ZFPM1: variants seen among roughly 807,000 people sequenced by gnomAD.
ZFPM1 encodes the protein zinc finger protein, FOG family member 1.
Under a neutral mutation model 46.3 loss-of-function variants are expected in ZFPM1, and 28 were observed. The observed-to-expected ratio is 0.60, with a 90% CI of 0.45 to 0.83. ZFPM1 has a LOEUF of 0.83. Ranked by LOEUF, ZFPM1 falls within the 40% of genes least tolerant of loss-of-function variation. The probability of loss-of-function intolerance (pLI) is 0.00; values close to 1 mark genes in which losing one functional copy is unlikely to be tolerated. For synonymous variants in ZFPM1, 957 were observed against 675.9 expected (o/e 1.42, Z -6.45); for missense variants, 1,878 against 1,432.4 (o/e 1.31, Z -5.02).
At chr16:88,486,923 G>A (rs998992140) in intron 2 of ZFPM1, among the ~76,000 whole-genome samples, 7 of 152,164 alleles carry the variant, frequency 4.6e-5, no homozygotes, top group Non-Finnish European at 8.8e-5. Context: ...GAGAAGTTTG[G>A]TGACTTGCCA....
chr16:88,453,259 C>A (rs1233815551), upstream of ZFPM1: 1 of 146,900 alleles, frequency 6.8e-6, no homozygotes, highest in Non-Finnish European at 1.5e-5. Flanking sequence ...ACGCTCAGGC[C>A]CGGCCCCGCC....
chr16:88,456,386 A>G (rs1240468760), intron 1 of ZFPM1, among the ~76,000 whole-genome samples: 1 of 150,684 alleles, frequency 6.6e-6, no homozygotes, highest in Non-Finnish European at 1.5e-5. Context: ...CACTGCTTGG[A>G]GTTTTCTTGA....
At chr16:88,460,579 G>A (rs571899824) in intron 1 of ZFPM1, among the ~76,000 whole-genome samples, 1 of 152,340 alleles carries the variant, frequency 6.6e-6, no homozygotes, top group South Asian at 2.1e-4. Flanking sequence ...TGTTTAGCAC[G>A]TGGCACTGAC....
intron 3 of ZFPM1, among the ~76,000 whole-genome samples, chr16:88,504,103 C>T (rs980904129): frequency 6.6e-6 from 1 of 151,972 alleles, no homozygotes; most frequent in Non-Finnish European, 1.5e-5. Flanking sequence ...CTCACCCTCT[C>T]CCATTTATGA....
intron 3 of ZFPM1, among the ~76,000 whole-genome samples, chr16:88,493,513 CAGGGTGCGG>C (rs1567537710): frequency 1.5e-5 from 2 of 132,136 alleles, no homozygotes; most frequent in African/African-American, 5.9e-5. Context: ...AGAGCTGTCC[CAGGGTGCGG>C]GGAGCTGTCC....
chr16:88,460,032 C>G (rs1907745700), intron 1 of ZFPM1, among the ~76,000 whole-genome samples: 1 of 151,862 alleles, frequency 6.6e-6, no homozygotes, highest in African/African-American at 2.4e-5. Context: ...AGCTGGCTGG[C>G]CCTTCCCTCC....
At chr16:88,509,774 G>A (rs898602053) in intron 3 of ZFPM1, among the ~76,000 whole-genome samples, 1 of 152,166 alleles carries the variant, frequency 6.6e-6, no homozygotes, top group Admixed American at 6.5e-5. Flanking sequence ...CTGGTCTCGG[G>A]AGCAACTGCC....
At chr16:88,493,597 G>A (rs1909749279) in intron 3 of ZFPM1, among the ~76,000 whole-genome samples, 1 of 148,736 alleles carries the variant, frequency 6.7e-6, no homozygotes, top group African/African-American at 2.5e-5. Context: ...CTGTCCCGGG[G>A]TAGGGAGAGC....
intron 3 of ZFPM1, among the ~76,000 whole-genome samples, chr16:88,507,741 G>A (rs547554432): frequency 3.3e-5 from 5 of 152,310 alleles, no homozygotes; most frequent in African/African-American, 9.6e-5. Flanking sequence ...CCCCTGCAGA[G>A]AGCCAGCTGC....
chr16:88,477,539 G>T (rs1311286621), intron 1 of ZFPM1, among the ~76,000 whole-genome samples: 2 of 152,152 alleles, frequency 1.3e-5, no homozygotes, highest in Admixed American at 1.3e-4. Flanking sequence ...GAGGTAGAAG[G>T]ATTGCTTCAG....
At chr16:88,490,467 G>A (rs1345199212) in intron 3 of ZFPM1, among the ~76,000 whole-genome samples, 1 of 152,350 alleles carries the variant, frequency 6.6e-6, no homozygotes, top group South Asian at 2.1e-4. Context: ...GTGGAGAGAA[G>A]ATGCATGGTG....
intron 1 of ZFPM1, among the ~76,000 whole-genome samples, chr16:88,459,260 C>T (rs907064891): frequency 8.5e-5 from 13 of 152,164 alleles, no homozygotes; most frequent in Non-Finnish European, 1.6e-4. Context: ...GGGTCAGTCC[C>T]GTCCCCACAG....
intron 3 of ZFPM1, among the ~76,000 whole-genome samples, chr16:88,505,611 C>T (rs77146052): frequency 0.019 from 2,939 of 152,242 alleles, 56 homozygotes; most frequent in South Asian, 0.076. Context: ...GGCACGGTGC[C>T]ATGTGGGCTG....
intron 1 of ZFPM1, among the ~76,000 whole-genome samples, chr16:88,459,395 A>G (rs1907701604): frequency 6.6e-6 from 1 of 152,106 alleles, no homozygotes; most frequent in Admixed American, 6.5e-5. Flanking sequence ...AGGCCTACCC[A>G]TGTGAGCCTC....
At chr16:88,517,390 G>A (rs1296927125) in intron 4 of ZFPM1, among the ~76,000 whole-genome samples, 1 of 150,204 alleles carries the variant, frequency 6.7e-6, no homozygotes, top group Non-Finnish European at 1.5e-5. Flanking sequence ...GTGGATGGGT[G>A]GATGCATGGG....
chr16:88,528,623 TGGA>T (rs1420941718), intron 6 of ZFPM1, among the ~76,000 whole-genome samples: 1 of 152,172 alleles, frequency 6.6e-6, no homozygotes, highest in African/African-American at 2.4e-5. Context: ...CACTCCACAG[TGGA>T]GGTGTCCCTG....
rs200561054 is a variant in ZFPM1 at position 88,489,099 on chromosome 16, G to A, written c.214G>A (p.Glu72Lys). 133 of 1,612,756 alleles carry A rather than the reference G, an allele frequency of 8.2e-5. No individual in the cohort carries two copies. Among genetic ancestry groups the A allele is most frequent in the Non-Finnish European group, 1.1e-4 (126 of 1,179,732 alleles). Residue 72 changes from glutamate to lysine, a missense_variant, in exon 3 of 10, where the codon GAA becomes AAA. Physicochemically the swap from Glu to Lys is moderately conservative, Grantham distance 56. Coordinates refer to ENST00000319555, the MANE Select transcript of ZFPM1 (RefSeq NM_153813.3). Reference sequence around the variant, plus strand: ...AGGCCCCAAGGAGCTGGAAGGACAGGAACCAGAACCCAGGCCCACGGAGGA... The same window carrying A: ...AGGCCCCAAGGAGCTGGAAGGACAGAAACCAGAACCCAGGCCCACGGAGGA... ...PGGPKELEGQ[E>K]PEPRPTEEEP...
rs569448473 is a variant in ZFPM1, at chr16:88,526,172, G to A, written c.403-642G>A. 7.9e-5 allele frequency among the ~76,000 whole-genome samples: 12 copies of A among 152,358 alleles called. No individual in the cohort carries two copies. In the East Asian group the frequency reaches 1.2e-3, roughly 15 times the overall value. ...CTGAGTCCACCAGGTGCTCCCCAGCGTCCGCCGTGTGCCGGCCCCGGGAGC... is the reference window on the plus strand; with the variant it reads ...CTGAGTCCACCAGGTGCTCCCCAGCATCCGCCGTGTGCCGGCCCCGGGAGC... On this transcript the variant is annotated intron_variant, in intron 4 of 9. Coordinates refer to ENST00000319555, the MANE Select transcript of ZFPM1 (RefSeq NM_153813.3).
chr16:88,502,299 G>T (rs1371341734), intron 3 of ZFPM1, among the ~76,000 whole-genome samples: 8 of 152,036 alleles, frequency 5.3e-5, no homozygotes, highest in Admixed American at 5.2e-4. Flanking sequence ...TGCTATCTCG[G>T]GTTTATTGCG....
Sources: allele counts gnomAD v4.1 joint callset (sites outside exome capture counted in the v4.1 genomes callset), GRCh38; gene constraint gnomAD v4.1.1; transcripts MANE v1.5; gene names NCBI Gene and HGNC (gene_info 2026-07-23, HGNC 2026-07-21).